Variants in RBFOX1 observed in about 807,000 individuals in gnomAD.
RBFOX1 encodes the protein RNA binding protein fox-1 homolog 1.
In RBFOX1, 8 loss-of-function variants were observed where a neutral mutation model predicts 57.7. That is an observed-to-expected ratio of 0.14 (90% CI 0.08 to 0.25). The LOEUF is 0.25. RBFOX1 is among the 10% of genes least tolerant of loss of function. The pLI is 1.00. For missense variants in RBFOX1, 611 were observed against 548.5 expected, an observed-to-expected ratio of 1.11 and a Z score of -1.14; for synonymous variants, 326 against 222.4, an observed-to-expected ratio of 1.47 and a Z score of -4.15.
At chr16:6,786,908 T>A (rs796442929) in intron 3 of RBFOX1, among the ~76,000 whole-genome samples, 25 of 150,004 alleles carry the variant, frequency 1.7e-4, no homozygotes, top group Admixed American at 4.6e-4. Context: ...TTTTTACTTT[T>A]AAAAAAAAAA....
intron 1 of RBFOX1, among the ~76,000 whole-genome samples, chr16:5,311,346 C>G (rs1293282899): frequency 6.6e-6 from 1 of 152,140 alleles, no homozygotes; most frequent in East Asian, 1.9e-4. Flanking sequence ...CAATTGTGAA[C>G]TGTGCTGCAA....
chr16:5,986,849 T>G (rs1394470491), intron 4 of RBFOX1, among the ~76,000 whole-genome samples: 3 of 152,160 alleles, frequency 2.0e-5, no homozygotes, highest in African/African-American at 7.2e-5. Context: ...TACAGGGTGT[T>G]GTGTGAATAT....
chr16:5,270,365 C>G (rs1383911319), intron 1 of RBFOX1: 5 of 1,199,442 alleles, frequency 4.2e-6, no homozygotes, highest in Non-Finnish European at 4.9e-6. Flanking sequence ...TCTCAAGGGT[C>G]TTGTGTTTGA....
intron 1 of RBFOX1, among the ~76,000 whole-genome samples, chr16:6,189,018 C>G (rs958935692): frequency 9.2e-5 from 14 of 152,186 alleles, no homozygotes; most frequent in Non-Finnish European, 1.6e-4. Flanking sequence ...GTTTATTTAT[C>G]TAACCCTCTA....
intron 4 of RBFOX1, among the ~76,000 whole-genome samples, chr16:7,218,667 T>TGTGTGTGCGTGC (rs1555586814): frequency 3.4e-5 from 5 of 148,196 alleles, no homozygotes; most frequent in African/African-American, 1.3e-4. Context: ...TGTGTGTGTG[T>TGTGTGTGCGTGC]GTGTGTGTGT....
chr16:5,530,537 T>C (rs1021852205), intron 2 of RBFOX1, among the ~76,000 whole-genome samples: 1 of 151,784 alleles, frequency 6.6e-6, no homozygotes, highest in African/African-American at 2.4e-5. Flanking sequence ...GGTGTTACTC[T>C]CTGCGGCAGC....
rs201260539 is a variant in RBFOX1, at chr16:6,848,748, G to A, written c.-16+194098G>A. ...TTTAACGTTCAGTAACATATGACAAGTCACATTGCCAAGTAGAAGAAACTC... is the reference window on the plus strand; with the variant it reads ...TTTAACGTTCAGTAACATATGACAAATCACATTGCCAAGTAGAAGAAACTC... On this transcript the variant is annotated intron_variant, in intron 3 of 15. Coordinates refer to ENST00000550418, the MANE Select transcript of RBFOX1 (RefSeq NM_018723.4). 2.0e-5 allele frequency among the ~76,000 whole-genome samples: 3 copies of A among 152,096 alleles called. No homozygotes were observed. The East Asian group carries it at 5.8e-4, about 29-fold the overall frequency.
chr16:6,798,836 C>T (rs1413429368), intron 3 of RBFOX1, among the ~76,000 whole-genome samples: 1 of 152,110 alleles, frequency 6.6e-6, no homozygotes, highest in East Asian at 1.9e-4. Flanking sequence ...CCCTAGGATG[C>T]TTCGGGGAGT....
intron 4 of RBFOX1, among the ~76,000 whole-genome samples, chr16:7,133,625 T>A (rs951896972): frequency 7.9e-5 from 12 of 152,168 alleles, no homozygotes; most frequent in Admixed American, 3.9e-4. Context: ...ATTGGTGGAA[T>A]GAAAGTAACC....
At chr16:5,850,657 T>C (rs1317851213) in intron 3 of RBFOX1, among the ~76,000 whole-genome samples, 1 of 152,192 alleles carries the variant, frequency 6.6e-6, no homozygotes, top group Non-Finnish European at 1.5e-5. Flanking sequence ...CTGCATGTGA[T>C]CCTCAGTGAA....
chr16:6,961,135 T>TCACACACACTCACACACACA lies in RBFOX1; in HGVS notation c.-15-90913_-15-90912insTCACACACACACACACACAC, dbSNP rs34830899. ...TCCAGCCTGGGCAATAGAGACTCCA[T>TCACACACACTCACACACACA]CACACACACCCACACAGACACACAC... On this transcript the variant is annotated intron_variant, in intron 3 of 15. Transcript: ENST00000550418. 6.6e-3 allele frequency among the ~76,000 whole-genome samples: 171 copies of TCACACACACTCACACACACA among 25,958 alleles called. 2 individuals are homozygous for TCACACACACTCACACACACA. The highest frequency in any genetic ancestry group is 0.019 in the African/African-American group (161 of 8,366). The allele number at this position is 25,958 out of a possible 152,430, so 17.0% of individuals were successfully genotyped here.
chr16:5,765,619 TCTGCAAACA>T (rs1047268946), intron 3 of RBFOX1, among the ~76,000 whole-genome samples: 82 of 152,336 alleles, frequency 5.4e-4, no homozygotes, highest in African/African-American at 1.9e-3. Context: ...CTATGGATTC[TCTGCAAACA>T]CTGTAAGAGA....
intron 9 of RBFOX1, among the ~76,000 whole-genome samples, chr16:7,601,178 T>C (rs950476701): frequency 1.3e-5 from 2 of 152,186 alleles, no homozygotes; most frequent in African/African-American, 4.8e-5. Context: ...GAGAGAGGCA[T>C]ACTTTGTTGC....
intron 2 of RBFOX1, among the ~76,000 whole-genome samples, chr16:6,554,000 A>C (rs1181659738): frequency 6.6e-6 from 1 of 152,042 alleles, no homozygotes. Context: ...GGTCTGGCAG[A>C]CATATTAGGG....
intron 4 of RBFOX1, among the ~76,000 whole-genome samples, chr16:7,324,654 G>A (rs774879226): frequency 1.3e-5 from 2 of 152,178 alleles, no homozygotes; most frequent in Non-Finnish European, 2.9e-5. Context: ...GTCAGGAAGC[G>A]CTTAATGAAC....
chr16:6,186,624 C>G (rs1307000363), intron 1 of RBFOX1, among the ~76,000 whole-genome samples: 1 of 152,002 alleles, frequency 6.6e-6, no homozygotes, highest in Non-Finnish European at 1.5e-5. Context: ...GTGGACCATG[C>G]CATAGGCTGT....
intron 1 of RBFOX1, among the ~76,000 whole-genome samples, chr16:6,110,195 C>CTTTTTTTTTTTTTTTTTTTTCTT (rs3049169): frequency 7.8e-6 from 1 of 128,264 alleles, no homozygotes; most frequent in Non-Finnish European, 1.6e-5. Context: ...TTTTCTTCTT[C>CTTTTTTTTTTTTTTTTTTTTCTT]TTTTTTTTTT....
intron 3 of RBFOX1, among the ~76,000 whole-genome samples, chr16:7,030,866 A>AGG (rs1324090159): frequency 6.6e-6 from 1 of 152,166 alleles, no homozygotes; most frequent in Non-Finnish European, 1.5e-5. Context: ...CTTTTGTCTT[A>AGG]GGGGAGATAA....
At chr16:5,960,312 C>T (rs1224041601) in intron 4 of RBFOX1, among the ~76,000 whole-genome samples, 3 of 152,162 alleles carry the variant, frequency 2.0e-5, no homozygotes, top group African/African-American at 7.2e-5. Flanking sequence ...AATAAACAAA[C>T]TGAGGCTGAA....
Sources: allele counts gnomAD v4.1 joint callset (sites outside exome capture counted in the v4.1 genomes callset), GRCh38; gene constraint gnomAD v4.1.1; transcripts MANE v1.5; gene names NCBI Gene and HGNC (gene_info 2026-07-23, HGNC 2026-07-21).